The following RSPO3 variants were observed in gnomAD, a reference collection of about 807,000 sequenced individuals.
The protein encoded by RSPO3 is R-spondin-3.
In RSPO3, 17 loss-of-function variants were observed where a neutral mutation model predicts 36.5. The ratio of observed to expected loss-of-function variants is 0.47; its 90% CI spans 0.32 to 0.70. RSPO3 has a LOEUF of 0.70. RSPO3 is among the 30% of genes least tolerant of loss of function. The pLI is 0.04. For missense variants in RSPO3, 294 were observed against 322.5 expected, an observed-to-expected ratio of 0.91 and a Z score of 0.68; for synonymous variants, 108 against 107.0, an observed-to-expected ratio of 1.01 and a Z score of -0.06.
chr6:127,129,842 A>G (rs1346922904), intron 1 of RSPO3, among the ~76,000 whole-genome samples: 1 of 152,084 alleles, frequency 6.6e-6, no homozygotes, highest in Non-Finnish European at 1.5e-5. Flanking sequence ...AACTCAAAGA[A>G]TCTAGTCTAA....
intron 4 of RSPO3, among the ~76,000 whole-genome samples, chr6:127,161,275 T>G (rs958205489): frequency 1.3e-5 from 2 of 151,902 alleles, no homozygotes; most frequent in African/African-American, 4.8e-5. Flanking sequence ...TTGATAGATA[T>G]AGAAAAAAAA....
chr6:127,137,363 C>A (rs1165953329), intron 1 of RSPO3, among the ~76,000 whole-genome samples: 1 of 152,056 alleles, frequency 6.6e-6, no homozygotes, highest in Non-Finnish European at 1.5e-5. Context: ...TACACTCCAA[C>A]CTGGGTGACA....
intron 1 of RSPO3, among the ~76,000 whole-genome samples, chr6:127,125,683 G>C (rs767498614): frequency 6.6e-6 from 1 of 152,108 alleles, no homozygotes; most frequent in African/African-American, 2.4e-5. Context: ...AAAGGTTAAC[G>C]AGTAAGTGAT....
intron 1 of RSPO3, among the ~76,000 whole-genome samples, chr6:127,140,881 T>A (rs1774255933): frequency 6.6e-6 from 1 of 152,176 alleles, no homozygotes; most frequent in African/African-American, 2.4e-5. Flanking sequence ...CCTGAAATAC[T>A]CTTCCTGGGT....
chr6:127,182,767 C>T (rs761524287), intron 4 of RSPO3, among the ~76,000 whole-genome samples: 72 of 151,930 alleles, frequency 4.7e-4, no homozygotes, highest in Non-Finnish European at 6.8e-4. Flanking sequence ...CACAGTTATT[C>T]GAAACTCAAG....
At chr6:127,138,204 T>G (rs1220801220) in intron 1 of RSPO3, among the ~76,000 whole-genome samples, 1 of 152,104 alleles carries the variant, frequency 6.6e-6, no homozygotes, top group East Asian at 1.9e-4. Context: ...AGACCTTTGG[T>G]TTCTCTGTAC....
At chr6:127,193,761 C>CA (rs1393400345) in intron 4 of RSPO3, among the ~76,000 whole-genome samples, 2 of 152,134 alleles carry the variant, frequency 1.3e-5, no homozygotes, top group Non-Finnish European at 2.9e-5. Flanking sequence ...CAAGTCAGCA[C>CA]ATCAAATGTG....
chr6:127,182,478 T>C (rs906847269), intron 4 of RSPO3, among the ~76,000 whole-genome samples: 2 of 152,000 alleles, frequency 1.3e-5, no homozygotes, highest in African/African-American at 4.8e-5. Context: ...TCTTAAATAC[T>C]TCAATTAAAT....
At chr6:127,195,585 A>C (rs182364664) in intron 4 of RSPO3, among the ~76,000 whole-genome samples, 18 of 152,336 alleles carry the variant, frequency 1.2e-4, no homozygotes, top group Admixed American at 2.0e-4. Context: ...GAACAGAACT[A>C]TTTGGATTTC....
chr6:127,186,049 C>A (rs972310447), intron 4 of RSPO3, among the ~76,000 whole-genome samples: 5 of 152,062 alleles, frequency 3.3e-5, no homozygotes, highest in African/African-American at 9.7e-5. Flanking sequence ...AGAGAATATT[C>A]TTTCTTTGGA....
chr6:127,126,365 A>G (rs1315321476), intron 1 of RSPO3, among the ~76,000 whole-genome samples: 1 of 151,792 alleles, frequency 6.6e-6, no homozygotes, highest in African/African-American at 2.4e-5. Flanking sequence ...ATTGAGACTC[A>G]CTCTTCTTGG....
intron 1 of RSPO3, among the ~76,000 whole-genome samples, chr6:127,144,643 G>GTTTTTTTTTTGTTTT (rs1554220624): frequency 2.0e-5 from 2 of 99,130 alleles, no homozygotes; most frequent in African/African-American, 4.2e-5. Context: ...GCTTCCCCTT[G>GTTTTTTTTTTGTTTT]TTTTTTTTTT....
chr6:127,155,557 C>A, intron 4 of RSPO3, 119 bp downstream of exon 4: 1 of 946,354 alleles, frequency 1.1e-6, no homozygotes, highest in Non-Finnish European at 1.6e-6. Flanking sequence ...AAAATGTGTA[C>A]CAAGCAAGAA....
intron 4 of RSPO3, among the ~76,000 whole-genome samples, chr6:127,158,285 T>C (rs1774633202): frequency 6.6e-6 from 1 of 152,030 alleles, no homozygotes; most frequent in Non-Finnish European, 1.5e-5. Context: ...GGATAGCTAT[T>C]ATTTGAGTTG....
chr6:127,168,948 A>G (rs1204785900), intron 4 of RSPO3, among the ~76,000 whole-genome samples: 1 of 151,994 alleles, frequency 6.6e-6, no homozygotes, highest in East Asian at 1.9e-4. Context: ...GTTCTGTTCC[A>G]TTGGTCTATA....
At chr6:127,188,520 T>C (rs2114264797) in intron 4 of RSPO3, among the ~76,000 whole-genome samples, 1 of 152,018 alleles carries the variant, frequency 6.6e-6, no homozygotes, top group South Asian at 2.1e-4. Context: ...GCTTCAAAAA[T>C]GTAACAGTAG....
intron 4 of RSPO3, among the ~76,000 whole-genome samples, chr6:127,194,042 G>A (rs2114280013): frequency 6.6e-6 from 1 of 152,254 alleles, no homozygotes; most frequent in Admixed American, 6.5e-5. Flanking sequence ...GCCCAACAAG[G>A]AAAGCTTTCA....
intron 4 of RSPO3, among the ~76,000 whole-genome samples, chr6:127,172,645 C>G (rs1047496814): frequency 6.6e-6 from 1 of 151,716 alleles, no homozygotes; most frequent in African/African-American, 2.4e-5. Flanking sequence ...ATTACCATAA[C>G]CATATTAACA....
At chr6:127,130,676 A>C (rs959755035) in intron 1 of RSPO3, among the ~76,000 whole-genome samples, 1 of 152,096 alleles carries the variant, frequency 6.6e-6, no homozygotes, top group Non-Finnish European at 1.5e-5. Flanking sequence ...AAACTTAGCA[A>C]AATTTTTTGC....
Sources: gnomAD v4.1 joint callset for allele counts (sites outside exome capture counted in the v4.1 genomes callset) on GRCh38, gnomAD v4.1.1 for gene constraint, MANE v1.5 for transcripts, NCBI Gene and HGNC (gene_info 2026-07-23, HGNC 2026-07-21) for gene names.